Variants in MYO3A observed in about 807,000 individuals in gnomAD.
The protein encoded by MYO3A is myosin IIIA, also known as myosin-IIIa.
In MYO3A, 180 loss-of-function variants were observed where a neutral mutation model predicts 192.7. The observed-to-expected ratio is 0.93, with a 90% CI of 0.83 to 1.06. MYO3A has a LOEUF of 1.06. Ranked by LOEUF, MYO3A falls within the 50% of genes least tolerant of loss-of-function variation. The pLI is 0.00. For missense variants in MYO3A, 1,896 were observed against 1,905.0 expected (o/e 1.00, Z 0.09); for synonymous variants, 628 against 645.3 (o/e 0.97, Z 0.41).
At chr10:25,960,685 TC>T (rs1837869630) in intron 4 of MYO3A, among the ~76,000 whole-genome samples, 1 of 152,178 alleles carries the variant, frequency 6.6e-6, no homozygotes, top group African/African-American at 2.4e-5. Context: ...GTCCTCATCA[TC>T]TTCACATTGA....
At chr10:26,174,808 A>G (rs1047280267) in intron 30 of MYO3A, among the ~76,000 whole-genome samples, 1 of 152,192 alleles carries the variant, frequency 6.6e-6, no homozygotes, top group African/African-American at 2.4e-5. Context: ...ATTGGTTTAT[A>G]CAGCTTACTA....
chr10:25,957,713 G>A (rs1391207160), intron 4 of MYO3A, among the ~76,000 whole-genome samples: 1 of 152,144 alleles, frequency 6.6e-6, no homozygotes, highest in Non-Finnish European at 1.5e-5. Flanking sequence ...CTCACCAGCA[G>A]CATATAAGCA....
At chr10:26,147,832 C>T (rs896400682) in intron 23 of MYO3A, among the ~76,000 whole-genome samples, 1 of 152,102 alleles carries the variant, frequency 6.6e-6, no homozygotes, top group East Asian at 1.9e-4. Flanking sequence ...GTATACTGAC[C>T]TCCAGAGTTC....
At chr10:25,944,813 G>C (rs963061262) in intron 2 of MYO3A, among the ~76,000 whole-genome samples, 1 of 151,858 alleles carries the variant, frequency 6.6e-6, no homozygotes, top group Non-Finnish European at 1.5e-5. Context: ...CTGCTTAAAG[G>C]TTTTAAAGGT....
At chr10:25,996,727 T>G in intron 5 of MYO3A, 133 bp downstream of exon 5, 1 of 781,572 alleles carries the variant, frequency 1.3e-6, no homozygotes, top group South Asian at 1.5e-5. Context: ...ATGCAAAATC[T>G]GACATGTTCA....
At chr10:26,104,866 TAC>T (rs60219721) in intron 17 of MYO3A, among the ~76,000 whole-genome samples, 6,249 of 147,920 alleles carry the variant, frequency 0.042, 368 homozygotes, top group African/African-American at 0.14. Context: ...TGTTTATAGA[TAC>T]ACACACACAC....
intron 10 of MYO3A, among the ~76,000 whole-genome samples, chr10:26,033,357 G>A (rs1842888337): frequency 6.6e-6 from 1 of 152,162 alleles, no homozygotes; most frequent in African/African-American, 2.4e-5. Flanking sequence ...GGGATTACAG[G>A]CATGAGCCAC....
chr10:26,010,454 T>G (rs1446498615), intron 6 of MYO3A, among the ~76,000 whole-genome samples: 3 of 137,342 alleles, frequency 2.2e-5, no homozygotes, highest in Non-Finnish European at 4.7e-5. Context: ...GTAGTTGTTT[T>G]TTTTTTTTTT....
intron 31 of MYO3A, among the ~76,000 whole-genome samples, chr10:26,185,736 A>AC (rs1842838015): frequency 6.6e-6 from 1 of 150,694 alleles, no homozygotes; most frequent in Non-Finnish European, 1.5e-5. Flanking sequence ...CACATTACTC[A>AC]CCCCCAACCA....
chr10:26,132,554 A>G (rs1839602817), intron 20 of MYO3A, among the ~76,000 whole-genome samples: 1 of 152,214 alleles, frequency 6.6e-6, no homozygotes, highest in Non-Finnish European at 1.5e-5. Flanking sequence ...GCTACAGCGT[A>G]TTGATCTAGA....
intron 10 of MYO3A, among the ~76,000 whole-genome samples, chr10:26,058,354 T>C (rs540230024): frequency 6.6e-6 from 1 of 152,344 alleles, no homozygotes; most frequent in African/African-American, 2.4e-5. Context: ...CACTATTGTC[T>C]GAATGTACTA....
intron 10 of MYO3A, among the ~76,000 whole-genome samples, chr10:26,065,111 A>C (rs1233271047): frequency 6.6e-6 from 1 of 152,212 alleles, no homozygotes; most frequent in Non-Finnish European, 1.5e-5. Context: ...TAAGGAAGAG[A>C]ATCAAGAGAG....
intron 30 of MYO3A, 84 bp downstream of exon 30, chr10:26,174,641 G>A (rs2132041006): frequency 8.6e-7 from 1 of 1,160,578 alleles, no homozygotes; most frequent in Non-Finnish European, 1.3e-6. Flanking sequence ...TTAATAACTG[G>A]TAGATTGTTT....
intron 21 of MYO3A, among the ~76,000 whole-genome samples, chr10:26,144,419 CT>C (rs757174938): frequency 6.6e-6 from 1 of 151,568 alleles, no homozygotes; most frequent in Non-Finnish European, 1.5e-5. Flanking sequence ...TTCTGACTCA[CT>C]GATTGGCTTA....
chr10:26,141,028 C>T (rs372525971), intron 20 of MYO3A, among the ~76,000 whole-genome samples: 28 of 152,158 alleles, frequency 1.8e-4, no homozygotes, highest in South Asian at 8.3e-4. Flanking sequence ...CCCAGGTTCA[C>T]GCCATTCTCC....
At chr10:26,063,704 T>A (rs867091737) in intron 10 of MYO3A, among the ~76,000 whole-genome samples, 8 of 152,114 alleles carry the variant, frequency 5.3e-5, no homozygotes, top group Admixed American at 2.0e-4. Flanking sequence ...TTAAGGTGGA[T>A]TGTGAAAAGT....
intron 23 of MYO3A, among the ~76,000 whole-genome samples, chr10:26,153,270 C>T (rs960110294): frequency 6.6e-5 from 10 of 152,144 alleles, no homozygotes; most frequent in African/African-American, 2.4e-4. Context: ...GACCCAAAGG[C>T]AACACAGTTT....
chr10:26,105,299 A>G (rs190757478), intron 17 of MYO3A, among the ~76,000 whole-genome samples: 14 of 152,284 alleles, frequency 9.2e-5, no homozygotes, highest in African/African-American at 3.4e-4. Context: ...GCCTTCCAAT[A>G]GTTCTGTAGC....
intron 4 of MYO3A, among the ~76,000 whole-genome samples, chr10:25,991,221 G>T (rs1184508866): frequency 6.6e-6 from 1 of 152,198 alleles, no homozygotes; most frequent in Non-Finnish European, 1.5e-5. Context: ...GGCATGAGAT[G>T]ATATCTCATT....
Sources: allele counts gnomAD v4.1 joint callset (sites outside exome capture counted in the v4.1 genomes callset), GRCh38; gene constraint gnomAD v4.1.1; transcripts MANE v1.5; gene names NCBI Gene and HGNC (gene_info 2026-07-23, HGNC 2026-07-21).